PTPMT1: variants seen among roughly 807,000 people sequenced by gnomAD.
The protein encoded by PTPMT1 is phosphatidylglycerophosphatase and protein-tyrosine phosphatase 1.
A neutral mutation model predicts 17.8 loss-of-function variants in PTPMT1; 12 were observed. The observed-to-expected ratio is 0.67, with a 90% CI of 0.43 to 1.09. The LOEUF (loss-of-function observed/expected upper bound fraction) is 1.09, where lower values mean the gene tolerates loss of function less well. PTPMT1 is among the 50% of genes least tolerant of loss of function. The probability of loss-of-function intolerance (pLI) is 0.00; values close to 1 mark genes in which losing one functional copy is unlikely to be tolerated. For synonymous variants in PTPMT1, 132 were observed against 116.8 expected, an observed-to-expected ratio of 1.13 and a Z score of -0.84; for missense variants, 262 against 266.0, an observed-to-expected ratio of 0.99 and a Z score of 0.10.
rs761727736 is a variant in PTPMT1 at position 47,569,898 on chromosome 11, A to G, written c.447+7A>G. The G allele has an allele frequency of 1.2e-6, 2 of 1,608,140 alleles. No individual in the cohort carries two copies. The highest frequency in any genetic ancestry group is 1.3e-5 in the African/African-American group (1 of 74,692). On this transcript the variant is annotated splice_region_variant and intron_variant, in intron 3 of 3. Coordinates refer to ENST00000326674, the MANE Select transcript of PTPMT1 (RefSeq NM_175732.3). ...GGCAGCATACCTGATTCAGGTACCA[A>G]AGTTCTTTCTGGGCTGGGCATCGTG...
At position 47,571,753 on chromosome 11, in the gene PTPMT1, A is replaced by G. The variant is rs905937011; in HGVS notation, c.*124A>G. On this transcript the variant is annotated 3_prime_UTR_variant, in exon 4 of 4. Coordinates refer to ENST00000326674, the MANE Select transcript of PTPMT1 (RefSeq NM_175732.3). Reference sequence around the variant, plus strand: ...AGAAATGTGCCAATAGGTAATAGGTAATTTTTCTTTCTCTGACTTGTTTTG... The same window carrying G: ...AGAAATGTGCCAATAGGTAATAGGTGATTTTTCTTTCTCTGACTTGTTTTG... The G allele has an allele frequency of 1.9e-5, 16 of 856,926 alleles. No homozygotes were observed. The highest frequency in any genetic ancestry group is 2.8e-5 in the Non-Finnish European group (15 of 542,942). 53.1% of individuals were successfully genotyped at this position (856,926 alleles called of 1,614,324 possible).
At chr11:47,566,138 G>A in intron 2 of PTPMT1, 152 bp downstream of exon 2, 1 of 829,900 alleles carries the variant, frequency 1.2e-6, no homozygotes. Flanking sequence ...GCCTCTAAAT[G>A]GCACCTGGAG....
chr11:47,571,658 A>T lies in PTPMT1; in HGVS notation c.*29A>T. On this transcript the variant is annotated 3_prime_UTR_variant, in exon 4 of 4. Transcript: ENST00000326674. ...ATGGGGATTAGAAAGAACTCAAGAC[A>T]CTCCTGCTTGATACAGAACAAAAAG... is the stretch of plus-strand genomic sequence containing the variant. The T allele has an allele frequency of 1.2e-6, 2 of 1,608,232 alleles. No individual in the cohort carries two copies. Among genetic ancestry groups the T allele is most frequent in the Non-Finnish European group, 1.7e-6 (2 of 1,175,834 alleles).
chr11:47,569,970 A>T, intron 3 of PTPMT1, 79 bp downstream of exon 3: 1 of 1,207,338 alleles, frequency 8.3e-7, no homozygotes, highest in South Asian at 1.4e-5. Flanking sequence ...AGATGGGAGG[A>T]TGGCTTGAGC....
chr11:47,565,845 G>A, intron 1 of PTPMT1, 49 bp downstream of exon 1: 1 of 1,605,464 alleles, frequency 6.2e-7, no homozygotes, highest in South Asian at 1.1e-5. Context: ...CCGCCGCTCC[G>A]TCCCTGTCGG....
intron 3 of PTPMT1, 58 bp downstream of exon 3, chr11:47,569,949 T>C: frequency 7.0e-7 from 1 of 1,427,786 alleles, no homozygotes; most frequent in South Asian, 1.3e-5. Flanking sequence ...CCCAGCACTT[T>C]GGGAGGCTTG....
intron 2 of PTPMT1, among the ~76,000 whole-genome samples, chr11:47,566,887 C>T (rs1339119888): frequency 6.6e-6 from 1 of 152,054 alleles, no homozygotes; most frequent in East Asian, 1.9e-4. Flanking sequence ...ACATAACTTT[C>T]ATTAAATGTG....
In PTPMT1 at chr11:47,572,919, TC is replaced by T. The variant is rs2097251835; in HGVS notation, c.*1294del. On this transcript the variant is annotated 3_prime_UTR_variant, in exon 4 of 4. Coordinates refer to ENST00000326674, the MANE Select transcript of PTPMT1 (RefSeq NM_175732.3). ...AAAGGAGTGAGCAGTTCTCCTCCCC[TC>T]CCCACAGCCTTAGGCCAACACAAAC... 1 of 1,603,570 alleles carries T rather than the reference TC, an allele frequency of 6.2e-7. No homozygotes were observed. Among genetic ancestry groups the T allele is most frequent in the African/African-American group, 1.3e-5 (1 of 74,730 alleles).
rs1194597539 is a variant in PTPMT1, at chr11:47,570,772, A to C, written c.448-699A>C. Among the ~76,000 whole-genome samples the C allele has an allele frequency of 2.0e-5, 3 of 152,172 alleles. No individual in the cohort carries two copies. In the East Asian group the frequency reaches 5.8e-4, roughly 29 times the overall value. ...CCCTGTAGTCCATCATCATTTTGTA[A>C]CCTAAGTTACAAAATGTCTGGCTCC... On this transcript the variant is annotated intron_variant, in intron 3 of 3. Transcript: ENST00000326674.
In PTPMT1 at chr11:47,573,336, C is replaced by T. The variant is rs201265377; in HGVS notation, c.*1707C>T. 2.5e-6 allele frequency: 4 copies of T among 1,614,222 alleles called. No homozygotes were observed. The highest frequency in any genetic ancestry group is 2.7e-5 in the African/African-American group (2 of 75,052). ...GAAGTCCAGATCATTCTCCTCCCCC[C>T]CTAGTAAGTAGATGATCCCGTTGAG... On this transcript the variant is annotated 3_prime_UTR_variant, in exon 4 of 4. Transcript: ENST00000326674. This position sits in a 1 kb window ranked among gnomAD's most constrained non-coding sequence, Gnocchi z 4.1.
At chr11:47,567,301 G>T (rs1441254233) in intron 2 of PTPMT1, among the ~76,000 whole-genome samples, 1 of 151,794 alleles carries the variant, frequency 6.6e-6, no homozygotes, top group African/African-American at 2.4e-5. Flanking sequence ...AGCTACTTGG[G>T]AGGCTGAGGC....
At chr11:47,566,356 G>A (rs1440619801) in intron 2 of PTPMT1, among the ~76,000 whole-genome samples, 3 of 151,880 alleles carry the variant, frequency 2.0e-5, no homozygotes, top group Non-Finnish European at 4.4e-5. Context: ...GGTGGCGTGC[G>A]CCTGTACTCC....
intron 2 of PTPMT1, among the ~76,000 whole-genome samples, chr11:47,567,203 A>T (rs1339266310): frequency 6.6e-6 from 1 of 151,990 alleles, no homozygotes; most frequent in Non-Finnish European, 1.5e-5. Context: ...GGAGTTTGAG[A>T]TCAGCCTGGC....
In PTPMT1 at chr11:47,573,017, G is replaced by A; in HGVS notation, c.*1388G>A. 1 of 1,614,156 alleles carries A rather than the reference G, an allele frequency of 6.2e-7. No homozygotes were observed. On this transcript the variant is annotated 3_prime_UTR_variant, in exon 4 of 4. Transcript: ENST00000326674. This position sits in a 1 kb window ranked among gnomAD's most constrained non-coding sequence, Gnocchi z 4.1. ...CTGAAGTGGCAGGGTCAAGCTTGTA[G>A]GTGTTGGCATCCCCCTTTTTATATC...
In PTPMT1 at chr11:47,568,216, G is replaced by A. The variant is rs962700804; in HGVS notation, c.256-1484G>A. Among the ~76,000 whole-genome samples, 26 of 152,050 alleles carry A rather than the reference G, an allele frequency of 1.7e-4. No individual in the cohort carries two copies. The East Asian group carries it at 1.9e-3, about 11-fold the overall frequency. ...ATTACAGGCATGAGCCACCATGCCC[G>A]GCCCATTGTTTTAATTTTAAAATGA... On this transcript the variant is annotated intron_variant, in intron 2 of 3. Transcript: ENST00000326674.
intron 2 of PTPMT1, among the ~76,000 whole-genome samples, chr11:47,568,612 T>G (rs1442209558): frequency 1.3e-5 from 2 of 151,990 alleles, no homozygotes; most frequent in Non-Finnish European, 2.9e-5. Context: ...AGCTTAGGAG[T>G]TTGAGGCTGC....
In PTPMT1 at chr11:47,566,005, G is replaced by C; in HGVS notation, c.255+19G>C. The C allele has an allele frequency of 6.8e-7, 1 of 1,460,162 alleles. No homozygotes were observed. The highest frequency in any genetic ancestry group is 1.3e-5 in the South Asian group (1 of 75,890). The allele number at this position is 1,460,162 out of a possible 1,614,324, so 90.5% of individuals were successfully genotyped here. ...TTCACAGGTGAGGGACCGGGCCGAGGGGCAGGCTCGGGGGCCCGCTCCCCC... is the reference window on the plus strand; with the variant it reads ...TTCACAGGTGAGGGACCGGGCCGAGCGGCAGGCTCGGGGGCCCGCTCCCCC... On this transcript the variant is annotated intron_variant, in intron 2 of 3. Coordinates refer to ENST00000326674, the MANE Select transcript of PTPMT1 (RefSeq NM_175732.3).
At chr11:47,570,338 C>T (rs2097248895) in intron 3 of PTPMT1, among the ~76,000 whole-genome samples, 1 of 152,200 alleles carries the variant, frequency 6.6e-6, no homozygotes, top group Admixed American at 6.6e-5. Context: ...ATGGAAAGCA[C>T]CTGAGCCTTG....
Position 47,571,588 on chromosome 11 carries a change from C to CG in PTPMT1, c.568dup (p.Ala190GlyfsTer18). 1.2e-6 allele frequency: 2 copies of CG among 1,613,862 alleles called. No homozygotes were observed. The highest frequency in any genetic ancestry group is 1.7e-6 in the Non-Finnish European group (2 of 1,179,992). ...AGAGTTCCACAAGCAGATTACTGCA[C>CG]GGGCAACAAAGGATGGGACTTTTGT... On this transcript the variant is annotated frameshift_variant, in exon 4 of 4. Transcript: ENST00000326674. LOFTEE classifies it low-confidence loss of function (END_TRUNC).
Sources: gnomAD v4.1 joint callset for allele counts (sites outside exome capture counted in the v4.1 genomes callset) on GRCh38, gnomAD v4.1.1 for gene constraint, Gnocchi (gnomAD v3.1) non-coding constraint, MANE v1.5 for transcripts, NCBI Gene and HGNC (gene_info 2026-07-23, HGNC 2026-07-21) for gene names.